TCERG1: variants seen among roughly 807,000 people sequenced by gnomAD.
TCERG1 encodes the protein transcription elongation regulator 1.
A neutral mutation model predicts 144.7 loss-of-function variants in TCERG1; 37 were observed. The ratio of observed to expected loss-of-function variants is 0.26; its 90% CI spans 0.20 to 0.34. TCERG1 has a LOEUF of 0.34. TCERG1 is among the 10% of genes least tolerant of loss of function. TCERG1 has a pLI of 1.00. For synonymous variants in TCERG1, 492 were observed against 458.2 expected (o/e 1.07, Z -0.94); for missense variants, 1,027 against 1,380.7 (o/e 0.74, Z 4.06).
chr5:146,506,951 C>T (rs1768058378), intron 19 of TCERG1, 77 bp from the exon 20 acceptor site: 2 of 1,239,570 alleles, frequency 1.6e-6, no homozygotes, highest in African/African-American at 1.5e-5. Flanking sequence ...GTGAATAATG[C>T]TGCAGTGGAC....
intron 13 of TCERG1, chr5:146,482,374 A>G (rs1328129745): frequency 2.7e-6 from 1 of 364,046 alleles, no homozygotes; most frequent in African/African-American, 2.1e-5. Context: ...TTTCCTAATA[A>G]TGTAGCCATT....
At position 146,459,060 on chromosome 5, in the gene TCERG1, CCAGGCT is replaced by C. The variant is rs1307865965; in HGVS notation, c.627_632del (p.Ala241_Gln242del). Reference sequence around the variant, plus strand: ...CTCAGGCCCAGGCACAAGCTCAGGCCCAGGCTCAGGCTCAGGCCCAGGCCCAGGCCC... The same window carrying C: ...CTCAGGCCCAGGCACAAGCTCAGGCCCAGGCTCAGGCCCAGGCCCAGGCCC... On this transcript the variant is annotated inframe_deletion, in exon 4 of 23. Coordinates refer to ENST00000679501, the MANE Select transcript of TCERG1 (RefSeq NM_001382548.1). The C allele has an allele frequency of 5.0e-6, 8 of 1,594,118 alleles. No individual in the cohort carries two copies. The highest frequency in any genetic ancestry group is 2.3e-5 in the East Asian group (1 of 44,346).
At chr5:146,482,552 A>G (rs1249273756) in intron 13 of TCERG1, 40 bp from the exon 14 acceptor site, 3 of 1,540,402 alleles carry the variant, frequency 1.9e-6, no homozygotes, top group Non-Finnish European at 2.6e-6. Flanking sequence ...CTGAGAATTA[A>G]TATTTTGTCA....
intron 6 of TCERG1, 113 bp from the exon 7 acceptor site, chr5:146,469,431 A>G (rs1014858009): frequency 2.8e-5 from 24 of 847,480 alleles, no homozygotes; most frequent in Middle Eastern, 3.5e-4. Context: ...TTTTGTTCCA[A>G]CTGGTCCATT....
intron 8 of TCERG1, among the ~76,000 whole-genome samples, chr5:146,470,958 A>G (rs538222468): frequency 6.6e-6 from 1 of 152,350 alleles, no homozygotes; most frequent in South Asian, 2.1e-4. Flanking sequence ...ATAGAAAGAC[A>G]GGGCCTTGGA....
Position 146,503,326 on chromosome 5 carries a change from C to T in TCERG1, c.2434-49C>T, listed in dbSNP as rs377532408. ...AATATTTAAGATATGATGAATTTCT[C>T]ATGGTACATTATTTTCCCTCCCATC... is the stretch of plus-strand genomic sequence containing the variant. On this transcript the variant is annotated intron_variant, in intron 17 of 22. Coordinates refer to ENST00000679501, the MANE Select transcript of TCERG1 (RefSeq NM_001382548.1). The T allele has an allele frequency of 3.5e-5, 54 of 1,545,058 alleles. No homozygotes were observed. The African/African-American group carries it at 6.4e-4, about 18-fold the overall frequency.
chr5:146,494,017 G>A (rs1766660502), intron 16 of TCERG1, among the ~76,000 whole-genome samples: 1 of 152,008 alleles, frequency 6.6e-6, no homozygotes, highest in Admixed American at 6.6e-5. Context: ...TTTGAAATAT[G>A]GTATTAAAAG....
rs1338465267 is a variant in TCERG1 at position 146,503,223 on chromosome 5, T to C, written c.2434-152T>C. 2.7e-4 allele frequency: 164 copies of C among 605,816 alleles called. No homozygotes were observed. The East Asian group carries it at 4.6e-3, about 17-fold the overall frequency. The allele number at this position is 605,816 out of a possible 1,614,324, so 37.5% of individuals were successfully genotyped here. A position where few individuals can be genotyped will look rare whatever the true frequency, so the allele number is the denominator to read the frequency against. Reference sequence around the variant, plus strand: ...AAAGAACACTTCTGATCTTTTACTGTAATTCTACTCTAAATGCCTATATTT... The same window carrying C: ...AAAGAACACTTCTGATCTTTTACTGCAATTCTACTCTAAATGCCTATATTT... On this transcript the variant is annotated intron_variant, in intron 17 of 22. Coordinates refer to ENST00000679501, the MANE Select transcript of TCERG1 (RefSeq NM_001382548.1).
intron 9 of TCERG1, among the ~76,000 whole-genome samples, chr5:146,473,624 T>C (rs1341954342): frequency 6.6e-6 from 1 of 152,138 alleles, no homozygotes; most frequent in African/African-American, 2.4e-5. Context: ...TCTGGTGACT[T>C]TAAGTTGAAG....
At position 146,507,001 on chromosome 5, in the gene TCERG1, GAT is replaced by G. The variant is rs532913914; in HGVS notation, c.2782-17_2782-16del. 31 of 1,522,020 alleles carry G rather than the reference GAT, an allele frequency of 2.0e-5. No individual in the cohort carries two copies. Among genetic ancestry groups the G allele is most frequent in the South Asian group, 2.7e-5 (2 of 73,792 alleles). The allele number at this position is 1,522,020 out of a possible 1,614,324, so 94.3% of individuals were successfully genotyped here. On this transcript the variant is annotated intron_variant, in intron 19 of 22. Transcript: ENST00000679501. The surrounding 1 kb of genome is among the most constrained non-coding windows in gnomAD (Gnocchi z 4.6). ...GGACATTCAGATAAGTCTCTTTGGT[GAT>G]ATATATATAATTTTTTCTCTTCAGG...
intron 1 of TCERG1, among the ~76,000 whole-genome samples, chr5:146,449,150 T>C (rs1762146340): frequency 6.6e-6 from 1 of 152,218 alleles, no homozygotes; most frequent in Non-Finnish European, 1.5e-5. Context: ...GGGCTTAATT[T>C]TTGCATTATA....
At chr5:146,510,338 A>C (rs1768359336) in intron 22 of TCERG1, 103 bp from the exon 23 acceptor site, 3 of 944,800 alleles carry the variant, frequency 3.2e-6, no homozygotes, top group Non-Finnish European at 4.6e-6. Flanking sequence ...AAAAAAAAAA[A>C]AAATGGAAAC....
In TCERG1 at chr5:146,463,557, C is replaced by T; in HGVS notation, c.899C>T (p.Thr300Ile). Residue 300 changes from threonine (T) to isoleucine (I), a missense_variant, in exon 5 of 23, where the codon ACA becomes ATA. Physicochemically the swap from Thr to Ile is moderately conservative, Grantham distance 89. Coordinates refer to ENST00000679501, the MANE Select transcript of TCERG1 (RefSeq NM_001382548.1). The part of the protein sequence containing the change: ...TSVAQTVSTP[T>I]TQDQTPSSAV... The stretch of plus-strand genomic sequence containing the variant: ...TTGTTTTATCTTTTATCAGCACCCA[C>T]AACACAAGATCAGACCCCAAGTTCT... 1.9e-6 allele frequency: 3 copies of T among 1,614,184 alleles called. No individual in the cohort carries two copies. The highest frequency in any genetic ancestry group is 2.5e-6 in the Non-Finnish European group (3 of 1,180,032).
At chr5:146,484,753 T>G (rs7733319) in intron 15 of TCERG1, among the ~76,000 whole-genome samples, 37,210 of 151,974 alleles carry the variant, frequency 0.24, 5,680 homozygotes, top group East Asian at 0.83. Flanking sequence ...TTTTCCCACT[T>G]CCCCTTTACA....
At position 146,478,595 on chromosome 5, in the gene TCERG1, T is replaced by A. The variant is rs1765060964; in HGVS notation, c.1704T>A (p.Val568=). Residue 568 remains valine, a synonymous_variant, in exon 10 of 23, where the codon GTT becomes GTA. Coordinates refer to ENST00000679501, the MANE Select transcript of TCERG1 (RefSeq NM_001382548.1). ...ATGATCTGATTGGCAGGGCAGATGT[T>A]GACAAAATTATTCAGGAGCCCCCTC... is the stretch of plus-strand genomic sequence containing the variant. ...RPDDLIGRAD[V]DKIIQEPPHK... is the part of the protein sequence containing the mutation. 1.2e-6 allele frequency: 2 copies of A among 1,610,464 alleles called. No individual in the cohort carries two copies. Among genetic ancestry groups the A allele is most frequent in the Non-Finnish European group, 1.7e-6 (2 of 1,178,922 alleles).
chr5:146,509,298 A>G, intron 22 of TCERG1, 53 bp downstream of exon 22: 1 of 1,200,908 alleles, frequency 8.3e-7, no homozygotes, highest in Non-Finnish European at 1.2e-6. Flanking sequence ...ACTAGTCTTT[A>G]CTCTAATGGT....
At chr5:146,470,856 G>T (rs1233639264) in intron 8 of TCERG1, 108 bp downstream of exon 8, 3 of 785,444 alleles carry the variant, frequency 3.8e-6, no homozygotes, top group Non-Finnish European at 5.6e-6. Context: ...TTATAAATTT[G>T]ATCTCTGAAA....
intron 15 of TCERG1, among the ~76,000 whole-genome samples, chr5:146,485,310 C>A (rs1349979902): frequency 6.6e-6 from 1 of 152,136 alleles, no homozygotes; most frequent in Non-Finnish European, 1.5e-5. Flanking sequence ...TTTCTAATTT[C>A]TTTATGGTGC....
chr5:146,487,683 A>G (rs900654481), intron 15 of TCERG1, among the ~76,000 whole-genome samples: 4 of 151,282 alleles, frequency 2.6e-5, no homozygotes, highest in Non-Finnish European at 4.4e-5. Context: ...ACAGTGAGCT[A>G]TGACCGCTAC....
Sources: gnomAD v4.1 joint callset for allele counts (sites outside exome capture counted in the v4.1 genomes callset) on GRCh38, gnomAD v4.1.1 for gene constraint, Gnocchi (gnomAD v3.1) non-coding constraint, MANE v1.5 for transcripts, NCBI Gene and HGNC (gene_info 2026-07-23, HGNC 2026-07-21) for gene names.